The following EYA4 variants were observed in gnomAD, a reference collection of about 807,000 sequenced individuals.
EYA4 encodes EYA transcriptional coactivator and phosphatase 4, also known as protein phosphatase EYA4.
In EYA4, 31 loss-of-function variants were observed where a neutral mutation model predicts 87.9. That is an observed-to-expected ratio of 0.35 (90% confidence interval 0.27 to 0.48). The LOEUF (loss-of-function observed/expected upper bound fraction) is 0.48, where lower values mean the gene tolerates loss of function less well. EYA4 is among the 20% of genes least tolerant of loss of function. The pLI is 0.99. For synonymous variants in EYA4, 263 were observed against 270.6 expected (o/e 0.97, Z 0.28); for missense variants, 678 against 761.4 (o/e 0.89, Z 1.29).
intron 10 of EYA4, among the ~76,000 whole-genome samples, chr6:133,466,875 T>C (rs1024322693): frequency 6.6e-6 from 1 of 151,754 alleles, no homozygotes; most frequent in Non-Finnish European, 1.5e-5. Flanking sequence ...GGCCTGGTGG[T>C]TTACAATAAG....
At chr6:133,250,321 A>G (rs560311199) in intron 1 of EYA4, among the ~76,000 whole-genome samples, 5 of 152,268 alleles carry the variant, frequency 3.3e-5, no homozygotes, top group African/African-American at 1.2e-4. Flanking sequence ...TGAGAGACTC[A>G]GTTCTTATAG....
chr6:133,342,624 G>A (rs1338397197), intron 2 of EYA4, among the ~76,000 whole-genome samples: 2 of 94,352 alleles, frequency 2.1e-5, no homozygotes, highest in South Asian at 3.0e-4. Context: ...TATTTCTCTG[G>A]GCTTAACTGA....
At chr6:133,465,972 T>A (rs212767) in intron 10 of EYA4, among the ~76,000 whole-genome samples, 2 of 151,694 alleles carry the variant, frequency 1.3e-5, no homozygotes, top group African/African-American at 4.8e-5. Flanking sequence ...AAAATTGAGG[T>A]TTTTTTTGTA....
At chr6:133,452,139 T>C (rs1793509894) in intron 5 of EYA4, among the ~76,000 whole-genome samples, 1 of 152,178 alleles carries the variant, frequency 6.6e-6, no homozygotes, top group African/African-American at 2.4e-5. Context: ...ATACTTTTAC[T>C]GCTTCCCTGC....
At chr6:133,286,247 TTA>T (rs1164740084) in intron 2 of EYA4, among the ~76,000 whole-genome samples, 1 of 152,158 alleles carries the variant, frequency 6.6e-6, no homozygotes, top group East Asian at 1.9e-4. Flanking sequence ...GAGGGGAGTG[TTA>T]ACCAACTAAG....
chr6:133,395,427 A>G (rs1787698588), intron 3 of EYA4, among the ~76,000 whole-genome samples: 2 of 152,170 alleles, frequency 1.3e-5, no homozygotes, highest in Admixed American at 1.3e-4. Flanking sequence ...CCATATAAGA[A>G]GGTTTAAATG....
intron 3 of EYA4, among the ~76,000 whole-genome samples, chr6:133,429,753 A>G (rs1475655270): frequency 6.6e-6 from 1 of 152,222 alleles, no homozygotes; most frequent in African/African-American, 2.4e-5. Context: ...AACTTAGTCA[A>G]CTTGTCAAGT....
At chr6:133,436,437 AT>A (rs1173833014) in intron 3 of EYA4, among the ~76,000 whole-genome samples, 6 of 152,092 alleles carry the variant, frequency 3.9e-5, no homozygotes, top group Non-Finnish European at 8.8e-5. Context: ...CTTTATCTAC[AT>A]TTTTTTCTAT....
At chr6:133,316,239 T>G (rs1473124879) in intron 2 of EYA4, among the ~76,000 whole-genome samples, 1 of 152,162 alleles carries the variant, frequency 6.6e-6, no homozygotes, top group Non-Finnish European at 1.5e-5. Flanking sequence ...GAGATTTCTT[T>G]GATATTATAA....
chr6:133,473,544 T>C (rs1795461059), intron 11 of EYA4, among the ~76,000 whole-genome samples: 1 of 152,064 alleles, frequency 6.6e-6, no homozygotes, highest in South Asian at 2.1e-4. Flanking sequence ...ACATTCATGA[T>C]TTTTAGTTCC....
At chr6:133,268,602 G>A (rs989286733) in intron 1 of EYA4, among the ~76,000 whole-genome samples, 8 of 152,142 alleles carry the variant, frequency 5.3e-5, no homozygotes, top group African/African-American at 1.9e-4. Context: ...CTGACCAGTG[G>A]CCAGCACTTA....
chr6:133,315,208 G>A (rs1582930831), intron 2 of EYA4, among the ~76,000 whole-genome samples: 3 of 152,270 alleles, frequency 2.0e-5, no homozygotes, highest in African/African-American at 4.8e-5. Context: ...GGCCTGCACA[G>A]CTGTGTAGTC....
intron 1 of EYA4, among the ~76,000 whole-genome samples, chr6:133,244,494 T>C (rs1218402526): frequency 6.6e-6 from 1 of 152,000 alleles, no homozygotes; most frequent in African/African-American, 2.4e-5. Context: ...AAATAGATGC[T>C]GAATTTCAGA....
chr6:133,302,622 A>C (rs1387644253), intron 2 of EYA4, among the ~76,000 whole-genome samples: 5 of 152,250 alleles, frequency 3.3e-5, no homozygotes. Context: ...TACACAGTAC[A>C]CACAAACACA....
At chr6:133,513,095 C>T (rs1799298664) in intron 16 of EYA4, 57 bp downstream of exon 16, 4 of 1,493,122 alleles carry the variant, frequency 2.7e-6, no homozygotes, top group Non-Finnish European at 3.7e-6. Flanking sequence ...AGAATTCAAT[C>T]TGTAGTTTCA....
chr6:133,382,187 A>T (rs2235485), intron 2 of EYA4, among the ~76,000 whole-genome samples: 3 of 152,018 alleles, frequency 2.0e-5, no homozygotes, highest in Non-Finnish European at 4.4e-5. Context: ...TTACATACTA[A>T]TGGAGTCCAG....
intron 2 of EYA4, among the ~76,000 whole-genome samples, chr6:133,372,374 C>A (rs1284632372): frequency 6.6e-6 from 1 of 151,908 alleles, no homozygotes; most frequent in African/African-American, 2.4e-5. Flanking sequence ...CAGTCAGTGT[C>A]TTATTAACTA....
chr6:133,305,093 G>T (rs1025606609), intron 2 of EYA4, among the ~76,000 whole-genome samples: 1 of 152,140 alleles, frequency 6.6e-6, no homozygotes, highest in Non-Finnish European at 1.5e-5. Flanking sequence ...GTATTTGAGA[G>T]AAGAGCGTTT....
intron 6 of EYA4, among the ~76,000 whole-genome samples, chr6:133,459,040 G>T (rs1378448223): frequency 1.3e-5 from 2 of 152,132 alleles, no homozygotes; most frequent in Admixed American, 1.3e-4. Context: ...GCTGCCCTTT[G>T]TGGGAGCAGT....
Sources: allele counts gnomAD v4.1 joint callset (sites outside exome capture counted in the v4.1 genomes callset), GRCh38; gene constraint gnomAD v4.1.1; transcripts MANE v1.5; gene names NCBI Gene and HGNC (gene_info 2026-07-23, HGNC 2026-07-21).